The following DAPK1 variants were observed in gnomAD, a reference collection of about 807,000 sequenced individuals.
DAPK1 encodes death associated protein kinase 1, also known as death-associated protein kinase 1.
In DAPK1, 56 loss-of-function variants were observed where a neutral mutation model predicts 144.9. That is an observed-to-expected ratio of 0.39 (90% CI 0.31 to 0.48). The LOEUF is 0.48. DAPK1 is among the 20% of genes least tolerant of loss of function. The pLI is 0.95. For missense variants in DAPK1, 1,454 were observed against 1,875.4 expected, an observed-to-expected ratio of 0.78 and a Z score of 4.15; for synonymous variants, 690 against 749.0, an observed-to-expected ratio of 0.92 and a Z score of 1.29.
chr9:87,608,645 T>C (rs898035062), intron 3 of DAPK1, among the ~76,000 whole-genome samples: 3 of 152,218 alleles, frequency 2.0e-5, no homozygotes, highest in Non-Finnish European at 4.4e-5. Flanking sequence ...TGTACTGTTT[T>C]TCAATTGTAG....
At position 87,706,228 on chromosome 9, in the gene DAPK1, A is replaced by G; in HGVS notation, c.3157A>G (p.Thr1053Ala). 1.2e-6 allele frequency: 2 copies of G among 1,612,098 alleles called. No individual in the cohort carries two copies. Among genetic ancestry groups the G allele is most frequent in the South Asian group, 1.1e-5 (1 of 91,016 alleles). ...CCTGGGGAAGTTGCTGTCCGTGGAG[A>G]CCCCACGGGCGCTGCACCACTACCG... ...NVLGKLLSVE[T>A]PRALHHYRGR... The change falls in exon 26 of 26, where the codon ACC (threonine) becomes GCC (alanine). Residue 1053 changes from threonine to alanine, a missense_variant. By Grantham distance (58) the Thr-to-Ala change is moderately conservative. This residue lies in a region of DAPK1 where 1,025 missense variants were observed against 1,237.9 expected (regional missense o/e 0.83). Transcript: ENST00000408954. This position sits in a 1 kb window ranked among gnomAD's most constrained non-coding sequence, Gnocchi z 9.0.
chr9:87,678,788 G>A lies in DAPK1; in HGVS notation c.2002-2616G>A, dbSNP rs751017312. Among the ~76,000 whole-genome samples the A allele has an allele frequency of 2.0e-5, 3 of 152,160 alleles. No homozygotes were observed. In the East Asian group the frequency reaches 5.8e-4, roughly 29 times the overall value. ...GTTACAGGGTGTCTGGACACCCAGC[G>A]TCTGGCTGCAGGAATATCCCCTCAA... is the stretch of plus-strand genomic sequence containing the variant. On this transcript the variant is annotated intron_variant, in intron 19 of 25. Transcript: ENST00000408954.
intron 3 of DAPK1, among the ~76,000 whole-genome samples, chr9:87,626,107 T>C (rs1829480361): frequency 6.6e-6 from 1 of 152,164 alleles, no homozygotes; most frequent in Non-Finnish European, 1.5e-5. Flanking sequence ...ACTTATTCGA[T>C]TGGTAAAAGT....
chr9:87,629,206 G>A (rs1405222186), intron 3 of DAPK1, among the ~76,000 whole-genome samples: 1 of 152,194 alleles, frequency 6.6e-6, no homozygotes, highest in East Asian at 1.9e-4. Context: ...AAGGGGGAGT[G>A]TGGATGCAGA....
rs763422375 is a variant in DAPK1 at position 87,707,521 on chromosome 9, C to T, written c.*157C>T. ...TCCGGCTTGACCTGTTTCTCTGCCG[C>T]TACCTCCCTCCCCGTCTCATTCCGT... On this transcript the variant is annotated 3_prime_UTR_variant, in exon 26 of 26. Coordinates refer to ENST00000408954, the MANE Select transcript of DAPK1 (RefSeq NM_004938.4). This position sits in a 1 kb window ranked among gnomAD's most constrained non-coding sequence, Gnocchi z 4.0. 12 of 604,140 alleles carry T rather than the reference C, an allele frequency of 2.0e-5. No homozygotes were observed. Among genetic ancestry groups the T allele is most frequent in the Non-Finnish European group, 5.9e-6 (2 of 341,094 alleles). 37.4% of individuals were successfully genotyped at this position (604,140 alleles called of 1,614,324 possible). A position where few individuals can be genotyped will look rare whatever the true frequency, so the allele number is the denominator to read the frequency against.
Position 87,697,211 on chromosome 9 carries a change from TA to T in DAPK1, c.2611+9del. ...CCAGTTGAAGAACCCATAGGTGAGCTAAGTCCCTGCAGGCCAGTGATGTCCT... is the reference window on the plus strand; with the variant it reads ...CCAGTTGAAGAACCCATAGGTGAGCTAGTCCCTGCAGGCCAGTGATGTCCT... On this transcript the variant is annotated splice_region_variant and intron_variant, in intron 22 of 25. Transcript: ENST00000408954. 1 of 1,390,294 alleles carries T rather than the reference TA, an allele frequency of 7.2e-7. No individual in the cohort carries two copies. Among genetic ancestry groups the T allele is most frequent in the Non-Finnish European group, 1.0e-6 (1 of 976,350 alleles). The allele number at this position is 1,390,294 out of a possible 1,614,324, so 86.1% of individuals were successfully genotyped here.
chr9:87,534,365 A>T (rs1825797164), intron 2 of DAPK1, among the ~76,000 whole-genome samples: 1 of 151,676 alleles, frequency 6.6e-6, no homozygotes, highest in African/African-American at 2.4e-5. Flanking sequence ...CAGGGGTACC[A>T]CACTGGACAT....
intron 3 of DAPK1, among the ~76,000 whole-genome samples, chr9:87,628,791 A>G (rs1288484743): frequency 1.3e-5 from 2 of 152,194 alleles, no homozygotes; most frequent in Non-Finnish European, 2.9e-5. Flanking sequence ...AGCACCAGAT[A>G]TATATTTCTC....
intron 19 of DAPK1, 141 bp from the exon 20 acceptor site, chr9:87,681,263 A>G (rs995113572): frequency 1.0e-4 from 58 of 565,448 alleles, no homozygotes; most frequent in Non-Finnish European, 1.4e-4. Context: ...GGGCAACAAG[A>G]GTGAAACTCC....
chr9:87,505,969 T>C (rs61234799), intron 2 of DAPK1, among the ~76,000 whole-genome samples: 5,847 of 152,220 alleles, frequency 0.038, 360 homozygotes, highest in African/African-American at 0.13. Flanking sequence ...ATTATAAGCG[T>C]CAGCCTCTCG....
chr9:87,525,454 C>T (rs1014178280), intron 2 of DAPK1: 31 of 1,603,296 alleles, frequency 1.9e-5, no homozygotes, highest in African/African-American at 1.1e-4. Context: ...CGAAGGATAT[C>T]GGTTTCATTA....
chr9:87,548,347 A>G (rs988887033), intron 2 of DAPK1, among the ~76,000 whole-genome samples: 6 of 152,184 alleles, frequency 3.9e-5, no homozygotes, highest in Admixed American at 6.5e-5. Flanking sequence ...GACGTGGAAC[A>G]CTGAACCTCA....
intron 17 of DAPK1, among the ~76,000 whole-genome samples, chr9:87,655,959 A>G (rs1285869997): frequency 6.6e-6 from 1 of 152,232 alleles, no homozygotes; most frequent in African/African-American, 2.4e-5. Context: ...CGTAGATGCC[A>G]AGGTGAATGG....
chr9:87,606,836 C>A (rs1005345046), intron 3 of DAPK1, among the ~76,000 whole-genome samples: 1 of 147,904 alleles, frequency 6.8e-6, no homozygotes, highest in African/African-American at 2.5e-5. Flanking sequence ...CTTTCTCCCC[C>A]CTTCCAAATC....
At chr9:87,538,285 A>G (rs1825927324) in intron 2 of DAPK1, among the ~76,000 whole-genome samples, 1 of 152,176 alleles carries the variant, frequency 6.6e-6, no homozygotes, top group Non-Finnish European at 1.5e-5. Flanking sequence ...TTATCAAACT[A>G]ATAATGGCCA....
chr9:87,589,175 C>T (rs1003859275), intron 2 of DAPK1, among the ~76,000 whole-genome samples: 3 of 149,920 alleles, frequency 2.0e-5, no homozygotes, highest in Non-Finnish European at 4.4e-5. Context: ...TACCAAAGTG[C>T]TGGGATTACA....
At chr9:87,577,270 C>T (rs62576176) in intron 2 of DAPK1, among the ~76,000 whole-genome samples, 13,454 of 152,078 alleles carry the variant, frequency 0.088, 870 homozygotes, top group East Asian at 0.33. Flanking sequence ...CCAGACATAA[C>T]GGAATTGGAA....
chr9:87,597,588 G>C (rs931183281), intron 2 of DAPK1, among the ~76,000 whole-genome samples: 2 of 151,998 alleles, frequency 1.3e-5, no homozygotes, highest in African/African-American at 4.8e-5. Context: ...GATGTGTTTA[G>C]AGAAAACAGT....
At chr9:87,511,065 G>A (rs1824820913) in intron 2 of DAPK1, among the ~76,000 whole-genome samples, 1 of 152,096 alleles carries the variant, frequency 6.6e-6, no homozygotes, top group Non-Finnish European at 1.5e-5. Context: ...TCCTGCCCTG[G>A]CCTCCCACAG....
Sources: gnomAD v4.1 joint callset for allele counts (sites outside exome capture counted in the v4.1 genomes callset) on GRCh38, gnomAD v4.1.1 for gene constraint, gnomAD v4.1.1 regional missense constraint, Gnocchi (gnomAD v3.1) non-coding constraint, MANE v1.5 for transcripts, NCBI Gene and HGNC (gene_info 2026-07-23, HGNC 2026-07-21) for gene names.